The following CSNK1G2 variants were observed in gnomAD, a reference collection of about 807,000 sequenced individuals.
CSNK1G2 encodes casein kinase 1 gamma 2.
In CSNK1G2, 11 loss-of-function variants were observed where a neutral mutation model predicts 48.0. The ratio of observed to expected loss-of-function variants is 0.23; its 90% confidence interval spans 0.14 to 0.38. The LOEUF (loss-of-function observed/expected upper bound fraction) is 0.38, where lower values mean the gene tolerates loss of function less well. Among genes scored for constraint, CSNK1G2 ranks in the 10% least tolerant of loss-of-function variants. The pLI, the probability that CSNK1G2 is intolerant of heterozygous loss-of-function variation, is 1.00. For missense variants in CSNK1G2, 446 were observed against 595.5 expected (o/e 0.75, Z 2.61); for synonymous variants, 337 against 254.1 (o/e 1.33, Z -3.10).
In CSNK1G2 at chr19:1,978,427, C is replaced by G; in HGVS notation, c.229-15C>G. On this transcript the variant is annotated splice_polypyrimidine_tract_variant and intron_variant, in intron 3 of 11. Coordinates refer to ENST00000255641, the MANE Select transcript of CSNK1G2 (RefSeq NM_001319.7). The surrounding 1 kb of genome is among the most constrained non-coding windows in gnomAD (Gnocchi z 7.3). The stretch of plus-strand genomic sequence containing the variant: ...AGCGACCCGGTCCCCTGGTGACTCG[C>G]TCTTGTGCCCCCAGGAGCCGATCAA... 1 of 1,611,276 alleles carries G rather than the reference C, an allele frequency of 6.2e-7. No individual in the cohort carries two copies. The highest frequency in any genetic ancestry group is 8.5e-7 in the Non-Finnish European group (1 of 1,179,252).
chr19:1,944,311 G>GTCT (rs2014474299), intron 1 of CSNK1G2, among the ~76,000 whole-genome samples: 1 of 152,132 alleles, frequency 6.6e-6, no homozygotes, highest in Non-Finnish European at 1.5e-5. Context: ...GCAGTCTGGA[G>GTCT]GCTCCCTAGG....
intron 1 of CSNK1G2, chr19:1,953,599 T>G (rs2014866451): frequency 4.5e-6 from 2 of 446,958 alleles, no homozygotes; most frequent in Admixed American, 4.9e-5. Context: ...ATGTGTCCGG[T>G]GCTGGGTGAG....
At chr19:1,946,119 C>T (rs181521735) in intron 1 of CSNK1G2, among the ~76,000 whole-genome samples, 9 of 152,110 alleles carry the variant, frequency 5.9e-5, no homozygotes, top group African/African-American at 2.2e-4. Flanking sequence ...GGAGGTCACT[C>T]CCATTCCATA....
chr19:1,957,454 G>A lies in CSNK1G2; in HGVS notation c.-265-12054G>A, dbSNP rs1216558957. On this transcript the variant is annotated intron_variant, in intron 1 of 11. Transcript: ENST00000255641. This position sits in a 1 kb window ranked among gnomAD's most constrained non-coding sequence, Gnocchi z 5.4. ...GGGAGAGAAGGGGGCTGCCCCGAGC[G>A]GCTTGGGTGGCCGGGCCTGTGGGAG... Among the ~76,000 whole-genome samples, 6 of 152,228 alleles carry A rather than the reference G, an allele frequency of 3.9e-5. No individual in the cohort carries two copies. The highest frequency in any genetic ancestry group is 8.8e-5 in the Non-Finnish European group (6 of 68,032).
intron 1 of CSNK1G2, among the ~76,000 whole-genome samples, chr19:1,952,292 TGGCGGAG>T (rs1202169268): frequency 6.7e-6 from 1 of 149,298 alleles, no homozygotes; most frequent in Non-Finnish European, 1.5e-5. Context: ...GATGCCCGAG[TGGCGGAG>T]GGCGGGATGC....
At position 1,960,069 on chromosome 19, in the gene CSNK1G2, G is replaced by A. The variant is rs193099490; in HGVS notation, c.-265-9439G>A. 6.3e-3 allele frequency among the ~76,000 whole-genome samples: 957 copies of A among 152,288 alleles called. 7 individuals are homozygous for A. The highest frequency in any genetic ancestry group is 8.4e-3 in the Admixed American group (129 of 15,304). Reference sequence around the variant, plus strand: ...CAGGCAGGCAGAAACCCCCACCCACGTCCAGGGCCCCATGTAGGGTCCGGA... The same window carrying A: ...CAGGCAGGCAGAAACCCCCACCCACATCCAGGGCCCCATGTAGGGTCCGGA... On this transcript the variant is annotated intron_variant, in intron 1 of 11. Transcript: ENST00000255641.
At chr19:1,943,539 C>T (rs2014444374) in intron 1 of CSNK1G2, among the ~76,000 whole-genome samples, 1 of 151,964 alleles carries the variant, frequency 6.6e-6, no homozygotes, top group African/African-American at 2.4e-5. Flanking sequence ...GTTGCTCATC[C>T]CAAGCTTAGG....
chr19:1,946,289 T>TATTTATTTATTATTTATTTATTTA (rs56098852), intron 1 of CSNK1G2, among the ~76,000 whole-genome samples: 2,008 of 143,650 alleles, frequency 0.014, 24 homozygotes, highest in Non-Finnish European at 0.022. Flanking sequence ...TTTATTTATT[T>TATTTATTTATTATTTATTTATTTA]TTTATTTATT....
chr19:1,945,730 G>A (rs754394656), intron 1 of CSNK1G2, among the ~76,000 whole-genome samples: 6 of 151,808 alleles, frequency 4.0e-5, no homozygotes, highest in Non-Finnish European at 7.4e-5. Flanking sequence ...GCTGAGGCAG[G>A]AGAATCACTT....
Position 1,957,587 on chromosome 19 carries a change from C to T in CSNK1G2, c.-265-11921C>T, listed in dbSNP as rs2015041701. ...GCAGATGCCTTTGCCCCTGCAGGTC[C>T]CCCATGTCCCCTCGCCCGGGGCGCG... is the stretch of plus-strand genomic sequence containing the variant. On this transcript the variant is annotated intron_variant, in intron 1 of 11. Coordinates refer to ENST00000255641, the MANE Select transcript of CSNK1G2 (RefSeq NM_001319.7). This position sits in a 1 kb window ranked among gnomAD's most constrained non-coding sequence, Gnocchi z 5.4. Among the ~76,000 whole-genome samples the T allele has an allele frequency of 6.6e-6, 1 of 152,224 alleles. No individual in the cohort carries two copies. Among genetic ancestry groups the T allele is most frequent in the Non-Finnish European group, 1.5e-5 (1 of 68,038 alleles).
Position 1,969,592 on chromosome 19 carries a change from A to G in CSNK1G2, c.-181A>G, listed in dbSNP as rs957656365. ...GAGCGACCCCGAGGCCACTGAGAAG[A>G]GCAGCGCGGCCTGGCCGGCCCGAAC... On this transcript the variant is annotated 5_prime_UTR_variant, in exon 2 of 12. Transcript: ENST00000255641. 1.8e-5 allele frequency: 8 copies of G among 443,732 alleles called. No homozygotes were observed. Among genetic ancestry groups the G allele is most frequent in the Non-Finnish European group, 3.1e-5 (8 of 260,196 alleles). 27.5% of individuals were successfully genotyped at this position (443,732 alleles called of 1,614,324 possible). A position where few individuals can be genotyped will look rare whatever the true frequency, so the allele number is the denominator to read the frequency against.
intron 1 of CSNK1G2, among the ~76,000 whole-genome samples, chr19:1,962,700 G>T (rs1330772602): frequency 6.6e-6 from 1 of 152,090 alleles, no homozygotes; most frequent in Non-Finnish European, 1.5e-5. Context: ...GCTGGGGTGG[G>T]TGTGTAGAAG....
intron 1 of CSNK1G2, among the ~76,000 whole-genome samples, chr19:1,946,863 G>A (rs1314513132): frequency 2.0e-5 from 3 of 151,900 alleles, no homozygotes; most frequent in East Asian, 3.9e-4. Flanking sequence ...TGCCCGCCTC[G>A]GCCTCTCAAA....
At chr19:1,976,218 T>C in intron 2 of CSNK1G2, 1 of 749,026 alleles carries the variant, frequency 1.3e-6, no homozygotes, top group Non-Finnish European at 2.0e-6. Context: ...GGGGAGAACG[T>C]AGGAGGGGAG....
At chr19:1,953,294 C>T (rs770751866) in intron 1 of CSNK1G2, 30 of 484,756 alleles carry the variant, frequency 6.2e-5, no homozygotes, top group East Asian at 4.6e-4. Flanking sequence ...CCCCGGGCCA[C>T]GGAGCAGGAA....
At chr19:1,953,355 G>A (rs376715059) in intron 1 of CSNK1G2, 13 of 532,484 alleles carry the variant, frequency 2.4e-5, no homozygotes, top group Admixed American at 1.2e-4. Context: ...GGGCCTGTGC[G>A]CCATGGGGGC....
intron 1 of CSNK1G2, among the ~76,000 whole-genome samples, chr19:1,949,689 A>C (rs1241436658): frequency 6.6e-6 from 1 of 152,244 alleles, no homozygotes; most frequent in African/African-American, 2.4e-5. Flanking sequence ...GAGGAGCCGC[A>C]GACGGCCATC....
intron 1 of CSNK1G2, chr19:1,953,575 G>A (rs1160476173): frequency 1.0e-5 from 5 of 483,170 alleles, no homozygotes; most frequent in Admixed American, 4.6e-5. Context: ...AAGGCTGCCG[G>A]TGGTGTTTGC....
chr19:1,948,539 A>AAC (rs2014651345), intron 1 of CSNK1G2, among the ~76,000 whole-genome samples: 1 of 95,512 alleles, frequency 1.0e-5, no homozygotes, highest in Non-Finnish European at 2.4e-5. Flanking sequence ...AAAAAAAAAA[A>AAC]CGCAAAAAAA....
Sources: allele counts gnomAD v4.1 joint callset (sites outside exome capture counted in the v4.1 genomes callset), GRCh38; gene constraint gnomAD v4.1.1; non-coding constraint Gnocchi (gnomAD v3.1); transcripts MANE v1.5; gene names NCBI Gene and HGNC (gene_info 2026-07-23, HGNC 2026-07-21).